Variants in GLT1D1 observed in about 807,000 individuals in gnomAD.
GLT1D1 encodes glycosyltransferase 1 domain containing 1.
Under a neutral mutation model 28.7 loss-of-function variants are expected in GLT1D1, and 21 were observed. The ratio of observed to expected loss-of-function variants is 0.73; its 90% CI spans 0.52 to 1.05. GLT1D1 has a LOEUF of 1.05. GLT1D1 is among the 50% of genes least tolerant of loss of function. The pLI is 0.00. For missense variants in GLT1D1, 343 were observed against 330.6 expected (o/e 1.04, Z -0.29); for synonymous variants, 147 against 124.8 (o/e 1.18, Z -1.19).
At chr12:128,927,302 G>T in intron 4 of GLT1D1, 148 bp downstream of exon 8, 1 of 601,054 alleles carries the variant, frequency 1.7e-6, no homozygotes, top group South Asian at 2.1e-5. Flanking sequence ...GCAGTGGCGT[G>T]ATCTCGGCTC....
At chr12:128,935,269 G>A (rs950805340) in intron 4 of GLT1D1, among the ~76,000 whole-genome samples, 10 of 152,134 alleles carry the variant, frequency 6.6e-5, no homozygotes, top group African/African-American at 1.9e-4. Flanking sequence ...TAGAGTAGCC[G>A]GGCGCGGTGG....
At chr12:128,938,345 A>G (rs1342394783) in intron 4 of GLT1D1, among the ~76,000 whole-genome samples, 1 of 152,274 alleles carries the variant, frequency 6.6e-6, no homozygotes, top group East Asian at 1.9e-4. Context: ...GTGTATGGCT[A>G]TAATTTTTCT....
chr12:128,945,503 G>T, intron 5 of GLT1D1, 134 bp downstream of exon 9: 1 of 780,688 alleles, frequency 1.3e-6, no homozygotes, highest in Non-Finnish European at 2.3e-6. Flanking sequence ...GCATCTTCCC[G>T]GCGAGCCCGT....
At chr12:128,903,356 C>G (rs1870503636) in intron 4 of GLT1D1, among the ~76,000 whole-genome samples, 1 of 151,724 alleles carries the variant, frequency 6.6e-6, no homozygotes, top group African/African-American at 2.4e-5. Flanking sequence ...CTCACAAGCA[C>G]ATTCCAGGCC....
intron 6 of GLT1D1, among the ~76,000 whole-genome samples, chr12:128,954,678 G>A (rs1230418808): frequency 1.3e-5 from 2 of 152,106 alleles, no homozygotes; most frequent in East Asian, 1.9e-4. Flanking sequence ...GGACAAGCAC[G>A]GTAGCTCACA....
In GLT1D1 at chr12:128,967,654, T is replaced by C. The variant is rs189511993; in HGVS notation, c.639+10011T>C. Among the ~76,000 whole-genome samples, 299 of 152,362 alleles carry C rather than the reference T, an allele frequency of 2.0e-3. 1 individual carries two copies. The highest frequency in any genetic ancestry group is 6.9e-3 in the African/African-American group (286 of 41,582). Reference sequence around the variant, plus strand: ...AGCCCACAGCAGGATTCCCACCCGGTGCAGAGCACTGAGAACCCAGGGAGA... The same window carrying C: ...AGCCCACAGCAGGATTCCCACCCGGCGCAGAGCACTGAGAACCCAGGGAGA... On this transcript the variant is annotated intron_variant, in intron 7 of 7. Coordinates refer to ENST00000281703, the MANE Select transcript of GLT1D1 (RefSeq NM_144669.3).
At position 128,853,501 on chromosome 12, in the gene GLT1D1, C is replaced by T; in HGVS notation, c.-81C>T. 1 of 987,276 alleles carries T rather than the reference C, an allele frequency of 1.0e-6. No homozygotes were observed. Among genetic ancestry groups the T allele is most frequent in the Non-Finnish European group, 1.2e-6 (1 of 827,776 alleles). 61.2% of individuals were successfully genotyped at this position (987,276 alleles called of 1,614,324 possible). A position where few individuals can be genotyped will look rare whatever the true frequency, so the allele number is the denominator to read the frequency against. ...GGACAGACCCAGCCGCCCCGGCTCCCCCGCCGTCCGCGTCTGCGCCGGCCC... is the reference window on the plus strand; with the variant it reads ...GGACAGACCCAGCCGCCCCGGCTCCTCCGCCGTCCGCGTCTGCGCCGGCCC... On this transcript the variant is annotated 5_prime_UTR_variant, in exon 1 of 8. Coordinates refer to ENST00000281703, the MANE Select transcript of GLT1D1 (RefSeq NM_144669.3).
At chr12:128,944,760 C>T (rs1195543996) in intron 4 of GLT1D1, 1 of 507,850 alleles carries the variant, frequency 2.0e-6, no homozygotes, top group East Asian at 4.3e-5. Context: ...ATGAGTTTCC[C>T]TTGGTCAATG....
At chr12:128,952,776 T>A in intron 6 of GLT1D1, among the ~76,000 whole-genome samples, 1 of 124,618 alleles carries the variant, frequency 8.0e-6, no homozygotes, top group South Asian at 2.9e-4. Context: ...TGACTGGCTT[T>A]TTTTTTTTTT....
At chr12:128,933,286 C>G (rs1490527609) in intron 4 of GLT1D1, among the ~76,000 whole-genome samples, 1 of 152,282 alleles carries the variant, frequency 6.6e-6, no homozygotes, top group Admixed American at 6.5e-5. Context: ...AGGCGGCGCC[C>G]GTGCGCAGGC....
chr12:128,883,160 G>C (rs540938115), intron 2 of GLT1D1, among the ~76,000 whole-genome samples: 3 of 150,932 alleles, frequency 2.0e-5, no homozygotes, highest in African/African-American at 7.3e-5. Flanking sequence ...TCCTGACCTC[G>C]TTATCTGCCC....
At chr12:128,901,625 C>T (rs1870279953) in intron 4 of GLT1D1, among the ~76,000 whole-genome samples, 3 of 151,244 alleles carry the variant, frequency 2.0e-5, no homozygotes, top group South Asian at 2.1e-4. Context: ...TTAGTAGAAA[C>T]GGGGTTTCAC....
chr12:128,923,323 C>T (rs893542414), intron 4 of GLT1D1, among the ~76,000 whole-genome samples: 3 of 152,114 alleles, frequency 2.0e-5, no homozygotes, highest in African/African-American at 7.2e-5. Context: ...TTTAGGTCGG[C>T]TTGTGTAAAA....
chr12:128,952,200 A>G (rs1352922623), intron 6 of GLT1D1, among the ~76,000 whole-genome samples: 2 of 151,956 alleles, frequency 1.3e-5, no homozygotes, highest in African/African-American at 4.8e-5. Flanking sequence ...GGAAGAGTGA[A>G]CAGAGAACTT....
chr12:128,949,580 C>T (rs1159991210), intron 6 of GLT1D1, among the ~76,000 whole-genome samples: 1 of 152,128 alleles, frequency 6.6e-6, no homozygotes, highest in African/African-American at 2.4e-5. Context: ...CTGATAAACT[C>T]CAAAAATCAA....
intron 7 of GLT1D1, among the ~76,000 whole-genome samples, chr12:128,970,308 C>T (rs543311951): frequency 1.4e-4 from 21 of 152,172 alleles, no homozygotes; most frequent in Non-Finnish European, 2.9e-4. Flanking sequence ...GCTCCCAAGC[C>T]CGCCGCGCCC....
chr12:128,857,141 G>A (rs927844229), intron 1 of GLT1D1, among the ~76,000 whole-genome samples: 2 of 152,120 alleles, frequency 1.3e-5, no homozygotes, highest in African/African-American at 4.8e-5. Flanking sequence ...ACAAGGTCAC[G>A]TTACTTTTGT....
chr12:128,870,531 G>A (rs1459992900), intron 1 of GLT1D1, among the ~76,000 whole-genome samples: 1 of 152,150 alleles, frequency 6.6e-6, no homozygotes, highest in East Asian at 1.9e-4. Flanking sequence ...TTTATTAGTT[G>A]AATTGAATTA....
chr12:128,911,517 C>CTA (rs1263186343), intron 4 of GLT1D1, among the ~76,000 whole-genome samples: 5 of 152,186 alleles, frequency 3.3e-5, no homozygotes, highest in African/African-American at 4.8e-5. Context: ...AGTTCAGTCA[C>CTA]TTAATGCATT....
Sources: gnomAD v4.1 joint callset for allele counts (sites outside exome capture counted in the v4.1 genomes callset) on GRCh38, gnomAD v4.1.1 for gene constraint, MANE v1.5 for transcripts, NCBI Gene and HGNC (gene_info 2026-07-23, HGNC 2026-07-21) for gene names.